ACADSB: variants seen among roughly 807,000 people sequenced by gnomAD.
The protein encoded by ACADSB is short/branched chain specific acyl-CoA dehydrogenase, mitochondrial.
Under a neutral mutation model 54.1 loss-of-function variants are expected in ACADSB, and 40 were observed. The observed-to-expected ratio is 0.74, with a 90% CI of 0.57 to 0.96. The LOEUF (loss-of-function observed/expected upper bound fraction) is 0.96, where lower values mean the gene tolerates loss of function less well. Ranked by LOEUF, ACADSB falls within the 40% of genes least tolerant of loss-of-function variation. The pLI, the probability that ACADSB is intolerant of heterozygous loss-of-function variation, is 0.00. For synonymous variants in ACADSB, 182 were observed against 182.8 expected (o/e 1.00, Z 0.03); for missense variants, 530 against 510.4 (o/e 1.04, Z -0.37).
At chr10:123,015,388 A>G (rs2133455317) in intron 1 of ACADSB, among the ~76,000 whole-genome samples, 1 of 152,264 alleles carries the variant, frequency 6.6e-6, no homozygotes, top group East Asian at 1.9e-4. Flanking sequence ...CACCTTGTCT[A>G]AGAAGGCCCA....
chr10:123,012,767 G>A (rs1016775339), intron 1 of ACADSB, among the ~76,000 whole-genome samples: 1 of 152,210 alleles, frequency 6.6e-6, no homozygotes, highest in Non-Finnish European at 1.5e-5. Flanking sequence ...TGGACTCAAA[G>A]ATTGAGCAGC....
chr10:123,013,514 C>T (rs1330586603), intron 1 of ACADSB, among the ~76,000 whole-genome samples: 1 of 152,258 alleles, frequency 6.6e-6, no homozygotes, highest in Non-Finnish European at 1.5e-5. Context: ...ACTCCTCAGC[C>T]CTTGGGCGGT....
At chr10:123,013,873 C>T (rs1850077307) in intron 1 of ACADSB, among the ~76,000 whole-genome samples, 1 of 152,226 alleles carries the variant, frequency 6.6e-6, no homozygotes, top group African/African-American at 2.4e-5. Context: ...TGGTTCCCGC[C>T]CATGCCTCTC....
intron 1 of ACADSB, among the ~76,000 whole-genome samples, chr10:123,026,782 G>A (rs928481435): frequency 6.6e-6 from 1 of 151,868 alleles, no homozygotes; most frequent in African/African-American, 2.4e-5. Context: ...TTTTTGAAAG[G>A]ACAGGGAGAA....
chr10:123,018,659 A>G lies in ACADSB; in HGVS notation c.42+9588A>G, dbSNP rs566641562. The stretch of plus-strand genomic sequence containing the variant: ...GCATACCCAAGACTGGGTAATTTAT[A>G]AAGAAAAAGAGATTTAATGGATTCG... On this transcript the variant is annotated intron_variant, in intron 1 of 10. Transcript: ENST00000358776. Among the ~76,000 whole-genome samples the G allele has an allele frequency of 9.8e-5, 15 of 152,320 alleles. No homozygotes were observed. The South Asian group carries it at 2.9e-3, about 29-fold the overall frequency.
In ACADSB at chr10:123,051,162, A is replaced by G. The variant is rs376677303; in HGVS notation, c.1104A>G (p.Ser368=). The stretch of plus-strand genomic sequence containing the variant: ...GAAAGCCATTCATAAAAGAAGCGTC[A>G]ATGGCCAAATACTATGCATCAGAGG... ...EAGKPFIKEA[S]MAKYYASEIA... Residue 368 remains serine (S), a synonymous_variant, in exon 9 of 11, where the codon TCA becomes TCG. Transcript: ENST00000358776. 1.9e-6 allele frequency: 3 copies of G among 1,580,642 alleles called. No individual in the cohort carries two copies. Among genetic ancestry groups the G allele is most frequent in the South Asian group, 1.1e-5 (1 of 89,768 alleles).
chr10:123,013,302 G>C (rs529112709), intron 1 of ACADSB, among the ~76,000 whole-genome samples: 13 of 152,286 alleles, frequency 8.5e-5, no homozygotes, highest in African/African-American at 2.6e-4. Flanking sequence ...CAAACCCTGA[G>C]CTAGACACAG....
At position 123,057,094 on chromosome 10, in the gene ACADSB, T is replaced by C. The variant is rs566057311; in HGVS notation, c.*3329T>C. On this transcript the variant is annotated 3_prime_UTR_variant, in exon 11 of 11. Transcript: ENST00000358776. ...GACATCTTTAATTTCTGCGATTATG[T>C]GAAAGAGGTGGACTTTACAGATAAT... 6.6e-6 allele frequency: 1 copy of C among 152,570 alleles called. No homozygotes were observed. The highest frequency in any genetic ancestry group is 2.4e-5 in the African/African-American group (1 of 41,460). 9.5% of individuals were successfully genotyped at this position (152,570 alleles called of 1,614,324 possible). A position where few individuals can be genotyped will look rare whatever the true frequency, so the allele number is the denominator to read the frequency against.
chr10:123,040,433 T>C (rs780829520), intron 3 of ACADSB, 33 bp from the exon 4 acceptor site: 1 of 1,568,662 alleles, frequency 6.4e-7, no homozygotes, highest in Non-Finnish European at 8.8e-7. Context: ...AAAAATAGCT[T>C]TCTTAATCTA....
chr10:123,023,801 C>G (rs1850213689), intron 1 of ACADSB, among the ~76,000 whole-genome samples: 1 of 152,222 alleles, frequency 6.6e-6, no homozygotes, highest in Non-Finnish European at 1.5e-5. Flanking sequence ...GCAGCAAACT[C>G]CAGATTCCAA....
intron 6 of ACADSB, among the ~76,000 whole-genome samples, chr10:123,043,528 T>TGGG (rs1398744405): frequency 6.6e-6 from 1 of 152,150 alleles, no homozygotes; most frequent in Middle Eastern, 3.2e-3. Flanking sequence ...GGCCACAAGA[T>TGGG]GGGGGTGTTG....
At chr10:123,009,565 G>GT (rs1849976949) in intron 1 of ACADSB, among the ~76,000 whole-genome samples, 1 of 152,218 alleles carries the variant, frequency 6.6e-6, no homozygotes, top group African/African-American at 2.4e-5. Context: ...CCGCTCAAAG[G>GT]TAGTAAGGGA....
In ACADSB at chr10:123,045,146, TATATATATATATATATATATA is replaced by T. The variant is rs1564752873; in HGVS notation, c.900+662_900+682del. 2.3e-3 allele frequency among the ~76,000 whole-genome samples: 33 copies of T among 14,436 alleles called. 2 individuals are homozygous for T. Among genetic ancestry groups the T allele is most frequent in the Non-Finnish European group, 3.0e-3 (21 of 6,900 alleles). 9.5% of individuals were successfully genotyped at this position (14,436 alleles called of 152,430 possible). On this transcript the variant is annotated intron_variant, in intron 7 of 10. Coordinates refer to ENST00000358776, the MANE Select transcript of ACADSB (RefSeq NM_001609.4). ...TTTGTAGAGTGTATATATATATATA[TATATATATATATATATATATA>T]TATATTTTTTTTTTTTTTTTTTTTT...
At chr10:123,036,287 A>T (rs1039352666) in intron 2 of ACADSB, among the ~76,000 whole-genome samples, 3 of 152,188 alleles carry the variant, frequency 2.0e-5, no homozygotes, top group Admixed American at 6.5e-5. Flanking sequence ...GGGTTTCACC[A>T]TGTTAGCCAG....
At chr10:123,032,620 G>A (rs888826838) in intron 1 of ACADSB, among the ~76,000 whole-genome samples, 16 of 119,404 alleles carry the variant, frequency 1.3e-4, no homozygotes, top group East Asian at 2.3e-4. Flanking sequence ...ACGGAGTTTC[G>A]CTCTTGTTGC....
chr10:123,044,637 A>C, intron 7 of ACADSB, 152 bp downstream of exon 7: 1 of 694,950 alleles, frequency 1.4e-6, no homozygotes, highest in Non-Finnish European at 2.6e-6. Flanking sequence ...ATTTCTTTCA[A>C]ATTCCCTTTT....
Position 123,058,004 on chromosome 10 carries a change from G to A in ACADSB, c.*4239G>A, listed in dbSNP as rs1589748634. 6.6e-6 allele frequency: 1 copy of A among 152,218 alleles called. No individual in the cohort carries two copies. Among genetic ancestry groups the A allele is most frequent in the South Asian group, 2.1e-4 (1 of 4,828 alleles). 9.4% of individuals were successfully genotyped at this position (152,218 alleles called of 1,614,324 possible). Reference sequence around the variant, plus strand: ...ATTTCAGAAGTGTTAGGATTAGTCAGTGTCATCGCTTATGTATATGAATCA... The same window carrying A: ...ATTTCAGAAGTGTTAGGATTAGTCAATGTCATCGCTTATGTATATGAATCA... On this transcript the variant is annotated 3_prime_UTR_variant, in exon 11 of 11. Coordinates refer to ENST00000358776, the MANE Select transcript of ACADSB (RefSeq NM_001609.4).
At chr10:123,013,919 C>T (rs1242040276) in intron 1 of ACADSB, among the ~76,000 whole-genome samples, 1 of 152,200 alleles carries the variant, frequency 6.6e-6, no homozygotes, top group Admixed American at 6.5e-5. Context: ...GGAGCTGGCT[C>T]CAGCCTTGGC....
chr10:123,014,869 G>A (rs571492336), intron 1 of ACADSB, among the ~76,000 whole-genome samples: 1 of 152,326 alleles, frequency 6.6e-6, no homozygotes, highest in African/African-American at 2.4e-5. Flanking sequence ...AATATGCTCA[G>A]CTTGTTTAAG....
Sources: allele counts gnomAD v4.1 joint callset (sites outside exome capture counted in the v4.1 genomes callset), GRCh38; gene constraint gnomAD v4.1.1; transcripts MANE v1.5; gene names NCBI Gene and HGNC (gene_info 2026-07-23, HGNC 2026-07-21).